The following IL7 variants were observed in gnomAD, a reference collection of about 807,000 sequenced individuals.
IL7 encodes the protein interleukin 7, also known as interleukin-7.
IL7 carries 3 observed loss-of-function variants against 21.6 expected under a neutral mutation model. That is an observed-to-expected ratio of 0.14 (90% CI 0.06 to 0.36). The LOEUF (loss-of-function observed/expected upper bound fraction) is 0.36, where lower values mean the gene tolerates loss of function less well. IL7 is among the 10% of genes least tolerant of loss of function. IL7 has a pLI of 1.00. For synonymous variants in IL7, 62 were observed against 68.1 expected (o/e 0.91, Z 0.44); for missense variants, 175 against 200.2 (o/e 0.87, Z 0.76).
chr8:78,725,572 C>A (rs558642001), intron 3 of IL7, among the ~76,000 whole-genome samples: 19 of 152,146 alleles, frequency 1.2e-4, no homozygotes, highest in African/African-American at 4.1e-4. Flanking sequence ...AACTCTTCAA[C>A]AACCAAATTT....
At chr8:78,675,533 A>G (rs1585977712), downstream of IL7, among the ~76,000 whole-genome samples, 1 of 151,976 alleles carries the variant, frequency 6.6e-6, no homozygotes, top group African/African-American at 2.4e-5. Flanking sequence ...TTACAAGAAA[A>G]CTAGATATTT....
At chr8:78,759,085 G>T in intron 2 of IL7, among the ~76,000 whole-genome samples, 4 of 136,342 alleles carry the variant, frequency 2.9e-5, no homozygotes, top group African/African-American at 8.6e-5. Context: ...TTTTAATCTG[G>T]CTTTGTTATT....
rs113203518 is a variant in IL7, at chr8:78,793,810, C to T, written c.147+4262G>A. Among the ~76,000 whole-genome samples, 526 of 152,310 alleles carry T rather than the reference C, an allele frequency of 3.5e-3. 3 individuals are homozygous for T. Among genetic ancestry groups the T allele is most frequent in the African/African-American group, 0.012 (492 of 41,578 alleles). ...CTTTTAAAATTAGAGGCAATCCTCT[C>T]AAATCCTTCCATTGCTTTAACAACT... On this transcript the variant is annotated intron_variant, in intron 2 of 5. Transcript: ENST00000263851.
At chr8:78,696,876 A>T (rs1810435812) in intron 3 of IL7, among the ~76,000 whole-genome samples, 1 of 152,196 alleles carries the variant, frequency 6.6e-6, no homozygotes, top group African/African-American at 2.4e-5. Flanking sequence ...TTGACCTTTA[A>T]AGCTGCACCA....
At chr8:78,686,257 G>A (rs959372317) in intron 3 of IL7, among the ~76,000 whole-genome samples, 9 of 152,078 alleles carry the variant, frequency 5.9e-5, no homozygotes, top group Admixed American at 1.3e-4. Context: ...TGTCTTTCGC[G>A]ATGACACTTA....
chr8:78,676,128 A>T (rs1809571294), intron 4 of IL7: 1 of 263,216 alleles, frequency 3.8e-6, no homozygotes, highest in Non-Finnish European at 7.0e-6. Context: ...AACAAAATAA[A>T]AAAAAAAAAA....
chr8:78,718,813 TAA>T (rs1811180958), intron 6 of IL7: 1 of 151,824 alleles, frequency 6.6e-6, no homozygotes, highest in Non-Finnish European at 1.5e-5. Flanking sequence ...CAATCAAACC[TAA>T]GAGAGCTTTG....
At chr8:78,713,573 G>A (rs557879927), downstream of IL7, among the ~76,000 whole-genome samples, 1 of 152,220 alleles carries the variant, frequency 6.6e-6, no homozygotes, top group Non-Finnish European at 1.5e-5. Flanking sequence ...TCCCCAAAGA[G>A]GCTATACACA....
In IL7 at chr8:78,676,663, G is replaced by A. The variant is rs190002098; in HGVS notation, n.274-559C>T. On this transcript the variant is annotated intron_variant and non_coding_transcript_variant, in intron 4 of 4. Transcript: ENST00000523959. ...GTTTGTTTCTTTAAAGCAAAGTGAGGAATTAATGATCCAAAGTGTCCTTCT... is the reference window on the plus strand; with the variant it reads ...GTTTGTTTCTTTAAAGCAAAGTGAGAAATTAATGATCCAAAGTGTCCTTCT... Among the ~76,000 whole-genome samples, 173 of 152,024 alleles carry A rather than the reference G, an allele frequency of 1.1e-3. 1 individual carries two copies. The highest frequency in any genetic ancestry group is 0.011 in the Admixed American group (171 of 15,268).
chr8:78,742,799 G>A (rs899381583), intron 2 of IL7, among the ~76,000 whole-genome samples: 1 of 151,660 alleles, frequency 6.6e-6, no homozygotes, highest in Non-Finnish European at 1.5e-5. Context: ...TGTGTCATGG[G>A]TTTTTTTTGT....
intron 2 of IL7, among the ~76,000 whole-genome samples, chr8:78,771,284 TTTGA>T (rs1290263789): frequency 6.6e-6 from 1 of 152,118 alleles, no homozygotes; most frequent in East Asian, 1.9e-4. Context: ...TGGCTTGAGT[TTTGA>T]TTGGTCTAAG....
At chr8:78,741,677 G>C (rs1233943529) in intron 2 of IL7, among the ~76,000 whole-genome samples, 1 of 152,148 alleles carries the variant, frequency 6.6e-6, no homozygotes, top group African/African-American at 2.4e-5. Context: ...TGTTATACCA[G>C]TTGATTATTT....
intron 2 of IL7, among the ~76,000 whole-genome samples, chr8:78,766,551 T>C (rs1812758264): frequency 6.6e-6 from 1 of 152,140 alleles, no homozygotes; most frequent in South Asian, 2.1e-4. Context: ...TTTTTCATTT[T>C]GTTAAAAAAT....
At chr8:78,766,356 A>C (rs1377978635) in intron 2 of IL7, among the ~76,000 whole-genome samples, 2 of 152,108 alleles carry the variant, frequency 1.3e-5, no homozygotes, top group African/African-American at 4.8e-5. Context: ...AGAGTCATTG[A>C]TCATAATAAA....
chr8:78,678,236 C>G (rs1052201971), intron 4 of IL7, among the ~76,000 whole-genome samples: 2 of 152,144 alleles, frequency 1.3e-5, no homozygotes, highest in African/African-American at 2.4e-5. Flanking sequence ...TACTCAGCTC[C>G]TGTTTAAGAT....
intron 1 of IL7, among the ~76,000 whole-genome samples, chr8:78,803,240 C>T (rs1016049443): frequency 2.0e-5 from 3 of 152,034 alleles, no homozygotes; most frequent in East Asian, 1.9e-4. Context: ...TCATGGCTCA[C>T]GGCAGCCTTG....
At chr8:78,799,912 TA>T (rs201402178) in intron 1 of IL7, among the ~76,000 whole-genome samples, 7 of 152,100 alleles carry the variant, frequency 4.6e-5, no homozygotes, top group African/African-American at 1.4e-4. Context: ...TTTTGGCAAT[TA>T]AAAAAATGTA....
intron 2 of IL7, among the ~76,000 whole-genome samples, chr8:78,784,610 A>G (rs1813450470): frequency 6.6e-6 from 1 of 152,142 alleles, no homozygotes. Context: ...ATAAATATTT[A>G]TGAAGGGTCT....
chr8:78,783,773 C>T (rs76768622), intron 2 of IL7, among the ~76,000 whole-genome samples: 1 of 151,954 alleles, frequency 6.6e-6, no homozygotes, highest in African/African-American at 2.4e-5. Context: ...TGGATATATT[C>T]GAAGATTCTA....
Sources: allele counts gnomAD v4.1 joint callset (sites outside exome capture counted in the v4.1 genomes callset), GRCh38; gene constraint gnomAD v4.1.1; transcripts MANE v1.5; gene names NCBI Gene and HGNC (gene_info 2026-07-23, HGNC 2026-07-21).